Variants in CELF4 observed in about 807,000 individuals in gnomAD.
CELF4 encodes CUGBP Elav-like family member 4, also known as CUG-BP- and ETR-3-like factor 4.
CELF4 carries 18 observed loss-of-function variants against 59.9 expected under a neutral mutation model. The observed-to-expected ratio is 0.30, with a 90% CI of 0.21 to 0.45. The LOEUF (loss-of-function observed/expected upper bound fraction) is 0.45, where lower values mean the gene tolerates loss of function less well. Among genes scored for constraint, CELF4 ranks in the 20% least tolerant of loss-of-function variants. The pLI is 1.00. For missense variants in CELF4, 456 were observed against 689.0 expected (o/e 0.66, Z 3.79); for synonymous variants, 261 against 267.1 (o/e 0.98, Z 0.22).
chr18:37,392,087 C>T (rs938428332), intron 2 of CELF4, among the ~76,000 whole-genome samples: 2 of 152,212 alleles, frequency 1.3e-5, no homozygotes, highest in Admixed American at 1.3e-4. Flanking sequence ...CTCCCTTCCA[C>T]TTCTGTGACG....
At chr18:37,421,393 G>C (rs575079962) in intron 2 of CELF4, among the ~76,000 whole-genome samples, 6 of 152,308 alleles carry the variant, frequency 3.9e-5, no homozygotes, top group East Asian at 3.9e-4. Flanking sequence ...TTAAACACAG[G>C]GCGGTTTTAT....
rs116995052 is a variant in CELF4 at position 37,291,356 on chromosome 18, A to C, written c.449-16113T>G. On this transcript the variant is annotated intron_variant, in intron 3 of 12. Transcript: ENST00000420428. ...TGAGAATGAATAGTGACTGTAACCCATGTACTCAAGAGGAGGGTTCATGTC... is the reference window on the plus strand; with the variant it reads ...TGAGAATGAATAGTGACTGTAACCCCTGTACTCAAGAGGAGGGTTCATGTC... 8.9e-3 allele frequency among the ~76,000 whole-genome samples: 1,350 copies of C among 152,344 alleles called. 5 individuals carry two copies. The highest frequency in any genetic ancestry group is 0.016 in the Admixed American group (252 of 15,310).
At chr18:37,530,962 T>C (rs867630834) in intron 1 of CELF4, among the ~76,000 whole-genome samples, 2 of 147,118 alleles carry the variant, frequency 1.4e-5, no homozygotes, top group South Asian at 2.1e-4. Context: ...ATGCTGCCAG[T>C]AGTATCTTTA....
intron 3 of CELF4, among the ~76,000 whole-genome samples, chr18:37,311,013 G>A (rs1569556670): frequency 6.6e-6 from 1 of 152,090 alleles, no homozygotes; most frequent in East Asian, 1.9e-4. Flanking sequence ...GCATGAGGCA[G>A]CTTTTAAATA....
intron 7 of CELF4, among the ~76,000 whole-genome samples, chr18:37,272,475 A>C (rs1409028761): frequency 6.6e-6 from 1 of 151,934 alleles, no homozygotes; most frequent in Non-Finnish European, 1.5e-5. Context: ...GGTTCTTTCC[A>C]AACTCCTGTC....
chr18:37,325,479 C>A lies in CELF4; in HGVS notation c.370-3598G>T, dbSNP rs113020451. Among the ~76,000 whole-genome samples, 334 of 152,318 alleles carry A rather than the reference C, an allele frequency of 2.2e-3. 1 individual carries two copies. Among genetic ancestry groups the A allele is most frequent in the African/African-American group, 7.6e-3 (316 of 41,568 alleles). On this transcript the variant is annotated intron_variant, in intron 2 of 12. Transcript: ENST00000420428. ...TGTCTGGAGGCTTCCACCCTAGATGCCACCCCAGTTGCAGGCAGCCAGCCC... is the reference window on the plus strand; with the variant it reads ...TGTCTGGAGGCTTCCACCCTAGATGACACCCCAGTTGCAGGCAGCCAGCCC...
chr18:37,438,075 C>A (rs574422084), intron 2 of CELF4, among the ~76,000 whole-genome samples: 1 of 152,348 alleles, frequency 6.6e-6, no homozygotes, highest in Admixed American at 6.5e-5. Context: ...TCACCAGACA[C>A]TGAATCTGCT....
intron 3 of CELF4, among the ~76,000 whole-genome samples, chr18:37,279,117 C>T (rs961394719): frequency 2.0e-5 from 3 of 152,178 alleles, no homozygotes; most frequent in African/African-American, 7.2e-5. Context: ...GCTGGGACCC[C>T]TGGTAATGGA....
intron 3 of CELF4, among the ~76,000 whole-genome samples, chr18:37,292,279 T>C (rs1030084992): frequency 3.9e-5 from 6 of 152,170 alleles, no homozygotes; most frequent in African/African-American, 7.2e-5. Context: ...GCACTAATGG[T>C]GGATACTGCA....
chr18:37,490,958 C>T lies in CELF4; in HGVS notation c.287-5351G>A, dbSNP rs945505446. Among the ~76,000 whole-genome samples the T allele has an allele frequency of 7.9e-5, 12 of 152,088 alleles. No homozygotes were observed. In the East Asian group the frequency reaches 9.7e-4, roughly 12 times the overall value. ...TTCTGTCCCACCTCTTCCTGAGTTA[C>T]GGGATCAAGCAGGATAGAAGCGCAG... On this transcript the variant is annotated intron_variant, in intron 1 of 12. Transcript: ENST00000420428.
chr18:37,428,709 G>A (rs2099629558), intron 2 of CELF4, among the ~76,000 whole-genome samples: 1 of 152,176 alleles, frequency 6.6e-6, no homozygotes, highest in South Asian at 2.1e-4. Context: ...TGTCAGTAGG[G>A]TTGTATGAGG....
At chr18:37,437,947 C>T (rs2099698518) in intron 2 of CELF4, among the ~76,000 whole-genome samples, 1 of 149,148 alleles carries the variant, frequency 6.7e-6, no homozygotes, top group Non-Finnish European at 1.5e-5. Context: ...AGGTGAGGCC[C>T]TCATGATGAG....
At chr18:37,419,381 G>A (rs2099554697) in intron 2 of CELF4, among the ~76,000 whole-genome samples, 1 of 152,224 alleles carries the variant, frequency 6.6e-6, no homozygotes, top group Non-Finnish European at 1.5e-5. Flanking sequence ...CTGGCACTCT[G>A]TGAGTCAGGA....
intron 2 of CELF4, among the ~76,000 whole-genome samples, chr18:37,352,706 G>A (rs1479692073): frequency 6.6e-6 from 1 of 152,202 alleles, no homozygotes; most frequent in Non-Finnish European, 1.5e-5. Context: ...CACCAGATTA[G>A]GTCAGAATCT....
At chr18:37,358,653 T>C (rs2098646518) in intron 2 of CELF4, among the ~76,000 whole-genome samples, 1 of 152,250 alleles carries the variant, frequency 6.6e-6, no homozygotes, top group South Asian at 2.1e-4. Context: ...TGTGAATCTT[T>C]GCTCAAGGTT....
intron 1 of CELF4, among the ~76,000 whole-genome samples, chr18:37,539,874 G>A (rs948880476): frequency 2.6e-5 from 4 of 152,200 alleles, no homozygotes; most frequent in Non-Finnish European, 5.9e-5. Context: ...GCTGTCATGG[G>A]CTTGCTGTGA....
At chr18:37,428,194 G>T (rs1016325423) in intron 2 of CELF4, among the ~76,000 whole-genome samples, 5 of 152,292 alleles carry the variant, frequency 3.3e-5, no homozygotes, top group Admixed American at 2.6e-4. Context: ...CTAATTTAAG[G>T]CCTATTAGCT....
At chr18:37,527,659 G>A (rs1384434946) in intron 1 of CELF4, among the ~76,000 whole-genome samples, 1 of 152,160 alleles carries the variant, frequency 6.6e-6, no homozygotes, top group Non-Finnish European at 1.5e-5. Context: ...GGGTGATTTG[G>A]GGAGAGAATG....
intron 2 of CELF4, among the ~76,000 whole-genome samples, chr18:37,343,199 G>A (rs911072148): frequency 5.3e-5 from 8 of 152,170 alleles, no homozygotes; most frequent in Non-Finnish European, 8.8e-5. Flanking sequence ...AATTTTAGTT[G>A]GTGAGAAGAG....
Sources: gnomAD v4.1 joint callset for allele counts (sites outside exome capture counted in the v4.1 genomes callset) on GRCh38, gnomAD v4.1.1 for gene constraint, MANE v1.5 for transcripts, NCBI Gene and HGNC (gene_info 2026-07-23, HGNC 2026-07-21) for gene names.